The following SCAPER variants were observed in gnomAD, a reference collection of about 807,000 sequenced individuals.
SCAPER encodes the protein S phase cyclin A-associated protein in the endoplasmic reticulum.
Under a neutral mutation model 182.2 loss-of-function variants are expected in SCAPER, and 98 were observed. The ratio of observed to expected loss-of-function variants is 0.54; its 90% CI spans 0.46 to 0.64. The LOEUF is 0.64. Among genes scored for constraint, SCAPER ranks in the 30% least tolerant of loss-of-function variants. The pLI is 0.00. For missense variants in SCAPER, 1,432 were observed against 1,690.0 expected (o/e 0.85, Z 2.68); for synonymous variants, 605 against 564.6 (o/e 1.07, Z -1.01).
intron 25 of SCAPER, among the ~76,000 whole-genome samples, chr15:76,443,283 T>C (rs756738927): frequency 1.3e-5 from 2 of 152,212 alleles, no homozygotes; most frequent in Non-Finnish European, 2.9e-5. Flanking sequence ...ACCAACTTGT[T>C]ATAACATGTC....
chr15:76,880,851 A>G (rs2073487626), intron 2 of SCAPER, among the ~76,000 whole-genome samples: 1 of 152,178 alleles, frequency 6.6e-6, no homozygotes, highest in Non-Finnish European at 1.5e-5. Flanking sequence ...ATTAAGAAAA[A>G]CGATTACCCA....
At chr15:76,851,267 A>G (rs1018150965) in intron 4 of SCAPER, among the ~76,000 whole-genome samples, 4 of 152,194 alleles carry the variant, frequency 2.6e-5, no homozygotes, top group Non-Finnish European at 4.4e-5. Context: ...AAAATACTTC[A>G]GGATAGTATC....
At chr15:76,597,422 T>C (rs1486617034) in intron 22 of SCAPER, among the ~76,000 whole-genome samples, 1 of 121,436 alleles carries the variant, frequency 8.2e-6, no homozygotes, top group African/African-American at 2.5e-5. Context: ...CAACCTACCA[T>C]TGACTTTCTT....
intron 5 of SCAPER, among the ~76,000 whole-genome samples, chr15:76,807,235 T>G (rs2151550208): frequency 6.6e-6 from 1 of 152,360 alleles, no homozygotes; most frequent in East Asian, 1.9e-4. Context: ...GGAATTTCCC[T>G]ATTGAATGTT....
At chr15:76,792,218 C>G (rs2065047892) in intron 8 of SCAPER, among the ~76,000 whole-genome samples, 1 of 152,072 alleles carries the variant, frequency 6.6e-6, no homozygotes, top group Admixed American at 6.5e-5. Context: ...ATCCTCACTT[C>G]TTCCTCCAGC....
chr15:76,588,217 C>T (rs539111472), intron 22 of SCAPER, among the ~76,000 whole-genome samples: 15 of 152,240 alleles, frequency 9.9e-5, no homozygotes, highest in Admixed American at 2.0e-4. Context: ...CCACCGCGCC[C>T]GGCCCTGTCT....
chr15:76,381,695 C>T (rs1328037240), intron 27 of SCAPER, 80 bp from the exon 28 acceptor site: 1 of 1,130,340 alleles, frequency 8.8e-7, no homozygotes, highest in African/African-American at 1.6e-5. Flanking sequence ...TGAAACAAGA[C>T]AAGCAGACCG....
At chr15:76,637,528 C>A (rs564967252) in intron 21 of SCAPER, among the ~76,000 whole-genome samples, 2 of 148,944 alleles carry the variant, frequency 1.3e-5, no homozygotes, top group African/African-American at 2.5e-5. Context: ...GAGACCCCCC[C>A]ATCTCTACAC....
At chr15:76,447,377 T>A (rs559211998) in intron 25 of SCAPER, among the ~76,000 whole-genome samples, 1 of 152,292 alleles carries the variant, frequency 6.6e-6, no homozygotes, top group East Asian at 1.9e-4. Flanking sequence ...GAAAGGGTCA[T>A]GGGGAACTCT....
intron 17 of SCAPER, among the ~76,000 whole-genome samples, chr15:76,708,713 C>CATA (rs1460490783): frequency 3.9e-5 from 6 of 152,072 alleles, no homozygotes; most frequent in Admixed American, 3.9e-4. Context: ...CGACAAAATA[C>CATA]ATAAACCTTT....
At chr15:76,823,761 T>C (rs2067763221) in intron 5 of SCAPER, among the ~76,000 whole-genome samples, 1 of 152,104 alleles carries the variant, frequency 6.6e-6, no homozygotes, top group African/African-American at 2.4e-5. Context: ...AATGTAAAAA[T>C]TTAGTTGGCT....
At chr15:76,613,077 T>TA (rs1259909783) in intron 22 of SCAPER, among the ~76,000 whole-genome samples, 1 of 152,036 alleles carries the variant, frequency 6.6e-6, no homozygotes, top group Non-Finnish European at 1.5e-5. Flanking sequence ...TACAGACACA[T>TA]AGACCAATGG....
intron 21 of SCAPER, among the ~76,000 whole-genome samples, chr15:76,652,337 C>T (rs866276591): frequency 2.9e-4 from 4 of 13,784 alleles, no homozygotes; most frequent in African/African-American, 2.6e-4. Flanking sequence ...CACACATACA[C>T]ATATATACAC....
chr15:76,572,917 T>TCACACACACACACACACA (rs1231032832), intron 23 of SCAPER, among the ~76,000 whole-genome samples: 33 of 133,552 alleles, frequency 2.5e-4, no homozygotes, highest in African/African-American at 8.4e-4. Context: ...TCTCTCTCTC[T>TCACACACACACACACACA]CTCACACACA....
intron 27 of SCAPER, among the ~76,000 whole-genome samples, chr15:76,388,413 C>T (rs940796930): frequency 2.9e-4 from 44 of 151,828 alleles, no homozygotes; most frequent in Middle Eastern, 3.4e-3. Context: ...CTATCATCGC[C>T]TCACTGCACT....
rs551003364 is a variant in SCAPER, at chr15:76,673,252, T to G, written c.2509-7463A>C. Among the ~76,000 whole-genome samples, 5 of 151,968 alleles carry G rather than the reference T, an allele frequency of 3.3e-5. No individual in the cohort carries two copies. In the South Asian group the frequency reaches 1.0e-3, roughly 32 times the overall value. Reference sequence around the variant, plus strand: ...GAAAAGAAAAATGACAGGAGAGACATGGACAAGGACTACTGGTGAACACTG... The same window carrying G: ...GAAAAGAAAAATGACAGGAGAGACAGGGACAAGGACTACTGGTGAACACTG... On this transcript the variant is annotated intron_variant, in intron 20 of 31. Transcript: ENST00000563290.
chr15:76,694,674 G>C (rs1372353633), intron 20 of SCAPER, among the ~76,000 whole-genome samples: 2 of 152,034 alleles, frequency 1.3e-5, no homozygotes, highest in South Asian at 2.1e-4. Context: ...CTTTAAGGAA[G>C]AGACAATTTC....
At chr15:76,760,512 T>C (rs781122271) in intron 14 of SCAPER, among the ~76,000 whole-genome samples, 1 of 152,196 alleles carries the variant, frequency 6.6e-6, no homozygotes, top group East Asian at 1.9e-4. Context: ...TTCTTAGGAT[T>C]TTTCATGGAA....
At chr15:76,470,893 G>C (rs1182716362) in intron 25 of SCAPER, among the ~76,000 whole-genome samples, 1 of 152,072 alleles carries the variant, frequency 6.6e-6, no homozygotes, top group African/African-American at 2.4e-5. Context: ...AATTCCTGTG[G>C]CTTTAGAGGT....
Sources: allele counts gnomAD v4.1 joint callset (sites outside exome capture counted in the v4.1 genomes callset), GRCh38; gene constraint gnomAD v4.1.1; transcripts MANE v1.5; gene names NCBI Gene and HGNC (gene_info 2026-07-23, HGNC 2026-07-21).